The following ACOX1 variants were observed in gnomAD, a reference collection of about 807,000 sequenced individuals.
The protein encoded by ACOX1 is acyl-CoA oxidase 1, also known as peroxisomal acyl-coenzyme A oxidase 1.
In ACOX1, 41 loss-of-function variants were observed where a neutral mutation model predicts 75.5. That is an observed-to-expected ratio of 0.54 (90% confidence interval 0.42 to 0.70). ACOX1 has a LOEUF of 0.70. Ranked by LOEUF, ACOX1 falls within the 30% of genes least tolerant of loss-of-function variation. ACOX1 has a pLI of 0.00. For missense variants in ACOX1, 630 were observed against 837.5 expected (o/e 0.75, Z 3.06); for synonymous variants, 303 against 298.8 (o/e 1.01, Z -0.15).
chr17:75,973,522 T>G, intron 2 of ACOX1: 4 of 1,255,918 alleles, frequency 3.2e-6, no homozygotes, highest in Non-Finnish European at 4.6e-6. Flanking sequence ...AACTTAAAAA[T>G]AGAATCCCAA....
chr17:75,948,358 A>C lies in ACOX1; in HGVS notation c.1828T>G (p.Phe610Val), dbSNP rs1308027990. 1.9e-6 allele frequency: 3 copies of C among 1,614,156 alleles called. No individual in the cohort carries two copies. The highest frequency in any genetic ancestry group is 1.7e-6 in the Non-Finnish European group (2 of 1,180,024). Residue 610 changes from phenylalanine (F) to valine (V), a missense_variant, in exon 13 of 14, where the codon TTT (phenylalanine) becomes GTT (valine). By Grantham distance (50) the Phe-to-Val change is conservative. This residue lies in a region of ACOX1 where 240 missense variants were observed against 262.7 expected (regional missense o/e 0.91). Coordinates refer to ENST00000293217, the MANE Select transcript of ACOX1 (RefSeq NM_004035.7). ...RSDAVALVDA[F>V]DFQDVTLGSV... The stretch of plus-strand genomic sequence containing the variant: ...CCAAGTGTCACATCCTGAAAATCAA[A>C]TGCATCAACCAAAGCAACAGCATCT...
intron 2 of ACOX1, among the ~76,000 whole-genome samples, chr17:75,974,910 T>C (rs568796566): frequency 2.7e-5 from 4 of 148,330 alleles, no homozygotes; most frequent in South Asian, 2.1e-4. Flanking sequence ...ATTAGCCGGG[T>C]GTGGTGGTGG....
Position 75,953,141 on chromosome 17 carries a change from T to C in ACOX1, c.944+310A>G, listed in dbSNP as rs1413001473. 6 of 319,320 alleles carry C rather than the reference T, an allele frequency of 1.9e-5. No individual in the cohort carries two copies. The East Asian group carries it at 4.6e-4, about 24-fold the overall frequency. The allele number at this position is 319,320 out of a possible 1,614,324, so 19.8% of individuals were successfully genotyped here. On this transcript the variant is annotated intron_variant, in intron 7 of 13. Transcript: ENST00000293217. ...GTAATCAGAACTTTCAAACTGCCTT[T>C]AGTGTGTTGAACATTTCACTTATAA...
chr17:75,951,377 A>G, intron 8 of ACOX1, 38 bp downstream of exon 8: 1 of 1,613,240 alleles, frequency 6.2e-7, no homozygotes, highest in Non-Finnish European at 8.5e-7. Context: ...ACCACGAAAC[A>G]GAAGGGTGCC....
chr17:75,955,867 C>A lies in ACOX1; in HGVS notation c.619G>T (p.Val207Leu). ...TGGGTCCCGATTTCACGAATAGGTA[C>A]GATAAAGGCATGTAATCCATAGCAT... Reference protein sequence around the residue: ...GKCYGLHAFIVPIREIGTHKP... With the variant: ...GKCYGLHAFILPIREIGTHKP... Residue 207 changes from valine to leucine, a missense_variant, in exon 5 of 14, where the codon GTA becomes TTA. Around this residue, in one of 2 missense-constraint regions of ACOX1, gnomAD observed 390 missense variants for 574.9 expected, o/e 0.68. Coordinates refer to ENST00000293217, the MANE Select transcript of ACOX1 (RefSeq NM_004035.7). 1 of 1,613,976 alleles carries A rather than the reference C, an allele frequency of 6.2e-7. No homozygotes were observed. The highest frequency in any genetic ancestry group is 8.5e-7 in the Non-Finnish European group (1 of 1,179,996).
At chr17:75,966,077 C>T (rs1188700696) in intron 2 of ACOX1, among the ~76,000 whole-genome samples, 1 of 151,896 alleles carries the variant, frequency 6.6e-6, no homozygotes, top group African/African-American at 2.4e-5. Flanking sequence ...TTGCAGGGAG[C>T]TGAGATCATG....
intron 2 of ACOX1, among the ~76,000 whole-genome samples, chr17:75,974,333 A>G (rs1141414): frequency 3.3e-5 from 5 of 152,226 alleles, no homozygotes; most frequent in Non-Finnish European, 7.3e-5. Flanking sequence ...AGAATCATAC[A>G]TCGCTAAAGG....
At chr17:75,964,643 G>A (rs2065914287) in intron 2 of ACOX1, among the ~76,000 whole-genome samples, 1 of 152,220 alleles carries the variant, frequency 6.6e-6, no homozygotes, top group South Asian at 2.1e-4. Context: ...AGATGTGGAT[G>A]AAATTTAGAA....
chr17:75,977,041 A>T (rs1297095716), intron 2 of ACOX1, among the ~76,000 whole-genome samples: 1 of 115,942 alleles, frequency 8.6e-6, no homozygotes, highest in Non-Finnish European at 1.6e-5. Flanking sequence ...TTTGTTGCCC[A>T]GTCTGGAGTG....
intron 3 of ACOX1, among the ~76,000 whole-genome samples, chr17:75,958,559 A>G (rs369019321): frequency 3.3e-5 from 5 of 151,270 alleles, no homozygotes; most frequent in South Asian, 2.1e-4. Flanking sequence ...CTGTAATCCC[A>G]GCACTTTGGG....
At chr17:75,964,570 T>A (rs2065913900) in intron 2 of ACOX1, among the ~76,000 whole-genome samples, 1 of 152,106 alleles carries the variant, frequency 6.6e-6, no homozygotes, top group African/African-American at 2.4e-5. Context: ...TCACAAATGG[T>A]TCTGACACTA....
intron 13 of ACOX1, among the ~76,000 whole-genome samples, chr17:75,947,227 A>G (rs2065729125): frequency 6.7e-6 from 1 of 149,330 alleles, no homozygotes; most frequent in South Asian, 2.1e-4. Context: ...TTATTTATGG[A>G]TAAAATTATC....
rs2065845010 is a variant in ACOX1 at position 75,957,549 on chromosome 17, A to T, written c.448T>A (p.Leu150Met). The T allele has an allele frequency of 5.0e-6, 8 of 1,614,086 alleles. No individual in the cohort carries two copies. The highest frequency in any genetic ancestry group is 6.8e-6 in the Non-Finnish European group (8 of 1,179,950). Residue 150 changes from leucine (L) to methionine (M), a missense_variant, in exon 4 of 14, where the codon TTG becomes ATG. Leu to Met is a conservative substitution (Grantham distance 15). This residue lies in a region of ACOX1 where 390 missense variants were observed against 574.9 expected (regional missense o/e 0.68). Coordinates refer to ENST00000293217, the MANE Select transcript of ACOX1 (RefSeq NM_004035.7). The part of the protein sequence containing the change: ...EMGHGTHLRG[L>M]ETTATYDPET... ...GGGTCATACGTGGCTGTGGTTTCCA[A>T]GCCTCGAAGGTGAGTTCCTAAGGAG...
intron 13 of ACOX1, among the ~76,000 whole-genome samples, chr17:75,947,735 G>GTTATTCTTTTTT (rs2065735103): frequency 6.8e-6 from 1 of 146,924 alleles, no homozygotes; most frequent in Non-Finnish European, 1.5e-5. Flanking sequence ...TTGAGACAGA[G>GTTATTCTTTTTT]TTTTGCTCTT....
At position 75,955,707 on chromosome 17, in the gene ACOX1, G is replaced by C. The variant is rs373485072; in HGVS notation, c.659-26C>G. 3.1e-6 allele frequency: 5 copies of C among 1,611,222 alleles called. No homozygotes were observed. In the African/African-American group the frequency reaches 6.7e-5, roughly 22 times the overall value. On this transcript the variant is annotated intron_variant, in intron 5 of 13. Transcript: ENST00000293217. ...CTACCACAGATGAAAGGACAGTCAC[G>C]AGATGTTTATGCTCTGGAATTTCTG...
chr17:75,947,243 T>C (rs2144229024), intron 13 of ACOX1, among the ~76,000 whole-genome samples: 1 of 144,920 alleles, frequency 6.9e-6, no homozygotes, highest in Non-Finnish European at 1.5e-5. Flanking sequence ...TTATCTGATG[T>C]CTTAGTTTTT....
chr17:75,954,301 C>T (rs1048215773), intron 6 of ACOX1, among the ~76,000 whole-genome samples: 8 of 150,022 alleles, frequency 5.3e-5, no homozygotes, highest in Non-Finnish European at 1.2e-4. Flanking sequence ...CAAGAGGGTC[C>T]CCTGAGGTCA....
chr17:75,972,365 C>T (rs377642955), intron 2 of ACOX1, among the ~76,000 whole-genome samples: 8 of 148,384 alleles, frequency 5.4e-5, no homozygotes, highest in East Asian at 2.0e-4. Context: ...GTCAGCCAGG[C>T]GCGGTGGCTC....
intron 2 of ACOX1, among the ~76,000 whole-genome samples, chr17:75,977,193 A>G (rs1360085432): frequency 6.0e-5 from 9 of 150,652 alleles, no homozygotes; most frequent in Admixed American, 6.6e-5. Context: ...AGAGAGTTTC[A>G]CCATTTTGGC....
Sources: gnomAD v4.1 joint callset for allele counts (sites outside exome capture counted in the v4.1 genomes callset) on GRCh38, gnomAD v4.1.1 for gene constraint, gnomAD v4.1.1 regional missense constraint, MANE v1.5 for transcripts, NCBI Gene and HGNC (gene_info 2026-07-23, HGNC 2026-07-21) for gene names.